The following RFX7 variants were observed in gnomAD, a reference collection of about 807,000 sequenced individuals.
RFX7 encodes DNA-binding protein RFX7.
In RFX7, 26 loss-of-function variants were observed where a neutral mutation model predicts 111.8. The ratio of observed to expected loss-of-function variants is 0.23; its 90% CI spans 0.17 to 0.32. RFX7 has a LOEUF of 0.32. RFX7 is among the 10% of genes least tolerant of loss of function. The pLI is 1.00. For synonymous variants in RFX7, 624 were observed against 624.4 expected (o/e 1.00, Z 0.01); for missense variants, 1,573 against 1,772.9 (o/e 0.89, Z 2.02).
At chr15:56,167,659 AT>A (rs1237212909) in intron 3 of RFX7, among the ~76,000 whole-genome samples, 1 of 152,218 alleles carries the variant, frequency 6.6e-6, no homozygotes, top group Admixed American at 6.5e-5. Flanking sequence ...TAACAAAAAA[AT>A]CTATTCATAT....
rs1195323098 is a variant in RFX7 at position 56,135,337 on chromosome 15, G to C, written c.401+7441C>G. Among the ~76,000 whole-genome samples the C allele has an allele frequency of 1.5e-4, 23 of 152,302 alleles. No homozygotes were observed. In the East Asian group the frequency reaches 4.2e-3, roughly 28 times the overall value. ...TGGTGTGAGATGGTATCTCATTGTA[G>C]TTTTGATTTGCATTTCTCTGATGGC... On this transcript the variant is annotated intron_variant, in intron 5 of 9. Transcript: ENST00000559447.
intron 5 of RFX7, among the ~76,000 whole-genome samples, chr15:56,110,314 A>AGG (rs1458812341): frequency 2.1e-4 from 1 of 4,686 alleles, no homozygotes; most frequent in African/African-American, 5.2e-4. Flanking sequence ...TCCGGGAGGG[A>AGG]GGTGGGGGGG....
At chr15:56,198,860 A>T (rs1001220721) in intron 2 of RFX7, among the ~76,000 whole-genome samples, 6 of 152,216 alleles carry the variant, frequency 3.9e-5, no homozygotes, top group Middle Eastern at 3.4e-3. Flanking sequence ...AATTTTTTAC[A>T]ATGAAAAGTT....
chr15:56,169,590 G>C (rs2042819705), intron 3 of RFX7, among the ~76,000 whole-genome samples: 1 of 151,652 alleles, frequency 6.6e-6, no homozygotes, highest in South Asian at 2.1e-4. Flanking sequence ...CCTAAGTTAG[G>C]TTAGAATTAT....
chr15:56,164,041 G>A (rs1266473687), intron 3 of RFX7, among the ~76,000 whole-genome samples: 1 of 152,172 alleles, frequency 6.6e-6, no homozygotes, highest in Non-Finnish European at 1.5e-5. Context: ...GGGACTAAGA[G>A]GATTAAAGAG....
At chr15:56,202,928 C>T (rs2043208051) in intron 2 of RFX7, among the ~76,000 whole-genome samples, 1 of 152,240 alleles carries the variant, frequency 6.6e-6, no homozygotes, top group Non-Finnish European at 1.5e-5. Context: ...CTGCCAATCT[C>T]TTGGGTAGAG....
chr15:56,217,415 C>A (rs1482188505), intron 2 of RFX7, among the ~76,000 whole-genome samples: 4 of 149,402 alleles, frequency 2.7e-5, no homozygotes, highest in South Asian at 4.2e-4. Flanking sequence ...GGGGCTGTTA[C>A]AACTTTTTTT....
At chr15:56,203,446 C>G (rs1407783970) in intron 2 of RFX7, among the ~76,000 whole-genome samples, 1 of 152,088 alleles carries the variant, frequency 6.6e-6, no homozygotes, top group African/African-American at 2.4e-5. Context: ...CCTTATAATA[C>G]AAGACTGATC....
At chr15:56,212,260 G>A (rs1296958647) in intron 2 of RFX7, among the ~76,000 whole-genome samples, 2 of 152,026 alleles carry the variant, frequency 1.3e-5, no homozygotes, top group Non-Finnish European at 2.9e-5. Flanking sequence ...TATAAAAAGG[G>A]TACATACTGT....
intron 5 of RFX7, among the ~76,000 whole-genome samples, chr15:56,110,909 T>G (rs1428532863): frequency 4.3e-4 from 1 of 2,346 alleles, no homozygotes; most frequent in African/African-American, 4.8e-4. Context: ...GCCTCTGCCC[T>G]GCCGCCCCTA....
chr15:56,133,285 A>G (rs1209317848), intron 5 of RFX7, among the ~76,000 whole-genome samples: 1 of 152,220 alleles, frequency 6.6e-6, no homozygotes, highest in East Asian at 1.9e-4. Context: ...TTCTATTAAT[A>G]TCTTAATTTA....
chr15:56,093,807 A>C lies in RFX7; in HGVS notation c.3921T>G (p.Ser1307=), dbSNP rs2041630887. The change falls in exon 10 of 10, where the codon TCT becomes TCG. Residue 1307 remains serine (S), a synonymous_variant. Transcript: ENST00000559447. ...NPQNMIDSST[S]VYEFQTPSYL... ...AAGATGGTGTTTGGAACTCATAAAC[A>C]GAAGTGCTGGAATCGATCATATTTT... The C allele has an allele frequency of 3.7e-6, 6 of 1,613,974 alleles. No individual in the cohort carries two copies. The highest frequency in any genetic ancestry group is 1.3e-5 in the African/African-American group (1 of 75,050).
chr15:56,132,262 A>G (rs2042227896), intron 5 of RFX7, among the ~76,000 whole-genome samples: 1 of 152,096 alleles, frequency 6.6e-6, no homozygotes, highest in Non-Finnish European at 1.5e-5. Context: ...GTCAGAAAAT[A>G]AAACCAAGGA....
At chr15:56,198,528 T>C in intron 2 of RFX7, among the ~76,000 whole-genome samples, 1 of 152,174 alleles carries the variant, frequency 6.6e-6, no homozygotes, top group East Asian at 1.9e-4. Flanking sequence ...AAGAGGAATA[T>C]GCTACATAGC....
intron 5 of RFX7, among the ~76,000 whole-genome samples, chr15:56,107,631 C>T (rs977024929): frequency 9.2e-5 from 14 of 152,188 alleles, no homozygotes; most frequent in African/African-American, 3.4e-4. Flanking sequence ...ATCCTCTCAA[C>T]AACCTTAAGA....
chr15:56,122,310 G>C (rs1052533752), intron 5 of RFX7, among the ~76,000 whole-genome samples: 1 of 152,086 alleles, frequency 6.6e-6, no homozygotes, highest in Non-Finnish European at 1.5e-5. Context: ...GTTGGATAAG[G>C]TCTGGAAGAA....
intron 2 of RFX7, among the ~76,000 whole-genome samples, chr15:56,241,463 G>T (rs2043688261): frequency 6.6e-6 from 1 of 151,914 alleles, no homozygotes; most frequent in Admixed American, 6.6e-5. Flanking sequence ...TTTAAAATTT[G>T]TCTCTCTTAA....
chr15:56,194,115 C>T (rs1037020294), intron 2 of RFX7, among the ~76,000 whole-genome samples: 1 of 152,108 alleles, frequency 6.6e-6, no homozygotes, highest in Non-Finnish European at 1.5e-5. Flanking sequence ...TCCCCAGTTT[C>T]AACAAATCAT....
At position 56,096,603 on chromosome 15, in the gene RFX7, T is replaced by C; in HGVS notation, c.1125A>G (p.Gln375=). ...TCATTGGACTCGGTGAAGTTACCAATTGCCTAGTCCGCTGGACCTGTTAAA... is the reference window on the plus strand; with the variant it reads ...TCATTGGACTCGGTGAAGTTACCAACTGCCTAGTCCGCTGGACCTGTTAAA... ...PSPIPVQRTR[Q]LVTSPSPMSS... Residue 375 remains glutamine (Q), a synonymous_variant, in exon 10 of 10, where the codon CAA becomes CAG. Coordinates refer to ENST00000559447, the MANE Select transcript of RFX7 (RefSeq NM_022841.7). 1 of 1,585,886 alleles carries C rather than the reference T, an allele frequency of 6.3e-7. No homozygotes were observed. Among genetic ancestry groups the C allele is most frequent in the Non-Finnish European group, 8.6e-7 (1 of 1,165,100 alleles).
Sources: allele counts gnomAD v4.1 joint callset (sites outside exome capture counted in the v4.1 genomes callset), GRCh38; gene constraint gnomAD v4.1.1; transcripts MANE v1.5; gene names NCBI Gene and HGNC (gene_info 2026-07-23, HGNC 2026-07-21).